The following FREM1 variants were observed in gnomAD, a reference collection of about 807,000 sequenced individuals.
The protein encoded by FREM1 is FRAS1 related extracellular matrix 1.
FREM1 carries 220 observed loss-of-function variants against 210.1 expected under a neutral mutation model. That is an observed-to-expected ratio of 1.05 (90% CI 0.94 to 1.17). The LOEUF (loss-of-function observed/expected upper bound fraction) is 1.17. Ranked by LOEUF, FREM1 falls within the 50% of genes most tolerant of loss-of-function variation. The pLI is 0.00. For synonymous variants in FREM1, 1,189 were observed against 980.2 expected (o/e 1.21, Z -3.98); for missense variants, 3,454 against 2,675.5 (o/e 1.29, Z -6.42).
rs1016245057 is a variant in FREM1, at chr9:14,775,732, T to G, written c.4857+57A>C. On this transcript the variant is annotated intron_variant, in intron 25 of 36. Transcript: ENST00000380880. ...CAAAAAAAAAAAAAAAAAAAAAAAA[T>G]TCTCGATGTCACTGTTTTCACATCT... 7 of 572,806 alleles carry G rather than the reference T, an allele frequency of 1.2e-5. No homozygotes were observed. In the African/African-American group the frequency reaches 3.3e-4, roughly 27 times the overall value. 35.5% of individuals were successfully genotyped at this position (572,806 alleles called of 1,614,324 possible).
At chr9:14,831,621 A>G (rs187986929) in intron 10 of FREM1, among the ~76,000 whole-genome samples, 7 of 152,216 alleles carry the variant, frequency 4.6e-5, no homozygotes, top group Non-Finnish European at 1.0e-4. Context: ...CCATTTTTCT[A>G]TGGGTAAATG....
In FREM1 at chr9:14,805,101, G is replaced by A. The variant is rs1470415216; in HGVS notation, c.3326C>T (p.Ser1109Phe). Residue 1109 changes from serine (S) to phenylalanine (F), a missense_variant, in exon 19 of 37, where the codon TCC becomes TTC. Physicochemically the swap from Ser to Phe is radical, Grantham distance 155 (BLOSUM62 -2). Coordinates refer to ENST00000380880, the MANE Select transcript of FREM1 (RefSeq NM_001379081.2). ...MNAFHINYVQ[S>F]RHLRIEPTAD... ...AGTTGGTTCTATCCTCAGATGCCTG[G>A]ACTGCACATAGTTAATGTGAAAAGC... 1.9e-6 allele frequency: 3 copies of A among 1,610,858 alleles called. No homozygotes were observed. The highest frequency in any genetic ancestry group is 4.5e-5 in the East Asian group (2 of 44,842).
chr9:14,844,544 T>C (rs546611390), intron 8 of FREM1, among the ~76,000 whole-genome samples: 1 of 152,296 alleles, frequency 6.6e-6, no homozygotes, highest in East Asian at 1.9e-4. Flanking sequence ...CAATTCTTAA[T>C]GGCAGGTGCA....
At position 14,780,433 on chromosome 9, in the gene FREM1, G is replaced by GAAAAAAAAAAAAAAAAAAAAAA. The variant is rs58017285; in HGVS notation, c.4442+3936_4442+3937insTTTTTTTTTTTTTTTTTTTTTT. ...AATCATAAATAGCGCCAGCTCCTCA[G>GAAAAAAAAAAAAAAAAAAAAAA]AAAAAAAAAAAAAAAAAGTCCAGCC... is the stretch of plus-strand genomic sequence containing the variant. On this transcript the variant is annotated intron_variant, in intron 24 of 36. Transcript: ENST00000380880. Among the ~76,000 whole-genome samples the GAAAAAAAAAAAAAAAAAAAAAA allele has an allele frequency of 9.1e-4, 74 of 81,506 alleles. 2 individuals are homozygous for GAAAAAAAAAAAAAAAAAAAAAA. Among genetic ancestry groups the GAAAAAAAAAAAAAAAAAAAAAA allele is most frequent in the Non-Finnish European group, 1.1e-3 (44 of 39,138 alleles). 53.5% of individuals were successfully genotyped at this position (81,506 alleles called of 152,430 possible). A position where few individuals can be genotyped will look rare whatever the true frequency, so the allele number is the denominator to read the frequency against.
At chr9:14,805,689 C>A (rs527881225) in intron 18 of FREM1, among the ~76,000 whole-genome samples, 3 of 152,274 alleles carry the variant, frequency 2.0e-5, no homozygotes, top group Non-Finnish European at 4.4e-5. Context: ...CATTAAGTCA[C>A]CAGAAAAGCT....
chr9:14,766,091 A>G (rs114887405), intron 27 of FREM1, among the ~76,000 whole-genome samples: 2,431 of 152,210 alleles, frequency 0.016, 62 homozygotes, highest in African/African-American at 0.055. Context: ...GCACTCACTT[A>G]GGTCTGGAGG....
At chr9:14,832,514 G>C (rs1823754352) in intron 10 of FREM1, among the ~76,000 whole-genome samples, 1 of 152,210 alleles carries the variant, frequency 6.6e-6, no homozygotes, top group African/African-American at 2.4e-5. Flanking sequence ...TAGGAAGAGA[G>C]GCAATACCTC....
intron 36 of FREM1, among the ~76,000 whole-genome samples, chr9:14,738,626 G>A (rs1840846824): frequency 6.6e-6 from 1 of 152,100 alleles, no homozygotes; most frequent in Non-Finnish European, 1.5e-5. Context: ...AACTATTACA[G>A]TTCCCTCAAA....
intron 27 of FREM1, among the ~76,000 whole-genome samples, chr9:14,760,940 T>C (rs1194362738): frequency 2.6e-5 from 4 of 152,226 alleles, no homozygotes; most frequent in African/African-American, 7.2e-5. Context: ...TGCACCTCCA[T>C]TGTTTTTTAT....
At chr9:14,817,834 G>A (rs779431089) in intron 14 of FREM1, among the ~76,000 whole-genome samples, 4 of 152,024 alleles carry the variant, frequency 2.6e-5, no homozygotes, top group African/African-American at 4.8e-5. Context: ...ATCCTCTCAC[G>A]CACTACCCGC....
chr9:14,853,681 C>A (rs1048208577), intron 5 of FREM1, among the ~76,000 whole-genome samples: 1 of 152,094 alleles, frequency 6.6e-6, no homozygotes, highest in African/African-American at 2.4e-5. Flanking sequence ...AAGAGAATTG[C>A]AAGAGAGGAA....
At chr9:14,829,114 A>G (rs185066371) in intron 10 of FREM1, among the ~76,000 whole-genome samples, 1 of 151,922 alleles carries the variant, frequency 6.6e-6, no homozygotes. Context: ...ATCTAGCACA[A>G]TTTTTTTTGT....
At position 14,779,490 on chromosome 9, in the gene FREM1, C is replaced by A. The variant is rs951805423; in HGVS notation, c.4443-3287G>T. 4 of 985,112 alleles carry A rather than the reference C, an allele frequency of 4.1e-6. No individual in the cohort carries two copies. In the East Asian group the frequency reaches 4.5e-4, roughly 112 times the overall value. 61.0% of individuals were successfully genotyped at this position (985,112 alleles called of 1,614,324 possible). A position where few individuals can be genotyped will look rare whatever the true frequency, so the allele number is the denominator to read the frequency against. On this transcript the variant is annotated intron_variant, in intron 24 of 36. Coordinates refer to ENST00000380880, the MANE Select transcript of FREM1 (RefSeq NM_001379081.2). The stretch of plus-strand genomic sequence containing the variant: ...TGAGTGCCAGGGACTCCATCAGAGG[C>A]GGCCATCTTGAATATCTAATTCTGA...
At position 14,910,217 on chromosome 9, in the gene FREM1, G is replaced by C. The variant is rs1239919447; in HGVS notation, c.-571C>G. 6.6e-6 allele frequency: 1 copy of C among 152,324 alleles called. No individual in the cohort carries two copies. The highest frequency in any genetic ancestry group is 1.5e-5 in the Non-Finnish European group (1 of 68,136). The allele number at this position is 152,324 out of a possible 1,614,324, so 9.4% of individuals were successfully genotyped here. ...TGCTGCAGCTTTGCAAACTTCCTGA[G>C]CGCCAAGCCTCAGGACTCCCTGTGA... On this transcript the variant is annotated 5_prime_UTR_variant, in exon 1 of 37. Transcript: ENST00000380880.
chr9:14,807,319 G>C (rs143742206), intron 17 of FREM1, among the ~76,000 whole-genome samples: 1 of 152,186 alleles, frequency 6.6e-6, no homozygotes, highest in African/African-American at 2.4e-5. Context: ...TGCTCATAAC[G>C]AAGAGTTTTT....
In FREM1 at chr9:14,863,914, T is replaced by G. The variant is rs752572098; in HGVS notation, c.235-11A>C. ...ATGGCAGTCAAAGACCTAGTTCACA[T>G]GAAGAATTGGATAAATATCTATGAG... On this transcript the variant is annotated splice_polypyrimidine_tract_variant and intron_variant, in intron 2 of 36. Coordinates refer to ENST00000380880, the MANE Select transcript of FREM1 (RefSeq NM_001379081.2). The G allele has an allele frequency of 6.5e-7, 1 of 1,527,568 alleles. No homozygotes were observed. The highest frequency in any genetic ancestry group is 1.1e-5 in the South Asian group (1 of 88,966). 94.6% of individuals were successfully genotyped at this position (1,527,568 alleles called of 1,614,324 possible).
intron 29 of FREM1, among the ~76,000 whole-genome samples, chr9:14,752,600 A>AT (rs138987328): frequency 0.015 from 2,269 of 152,338 alleles, 49 homozygotes; most frequent in African/African-American, 0.051. Context: ...ATCCAGGCAG[A>AT]TAGACAGATA....
intron 3 of FREM1, among the ~76,000 whole-genome samples, chr9:14,860,244 C>T (rs1016068709): frequency 3.9e-5 from 6 of 152,044 alleles, no homozygotes; most frequent in Non-Finnish European, 8.8e-5. Context: ...GAAACTCAGG[C>T]ATAACGGGCT....
At chr9:14,852,124 T>C (rs916830609) in intron 5 of FREM1, among the ~76,000 whole-genome samples, 1 of 152,130 alleles carries the variant, frequency 6.6e-6, no homozygotes, top group Non-Finnish European at 1.5e-5. Context: ...TCACCTCCTG[T>C]CATGTAGTTT....
Sources: allele counts gnomAD v4.1 joint callset (sites outside exome capture counted in the v4.1 genomes callset), GRCh38; gene constraint gnomAD v4.1.1; transcripts MANE v1.5; gene names NCBI Gene and HGNC (gene_info 2026-07-23, HGNC 2026-07-21).